KLHL5: variants seen among roughly 807,000 people sequenced by gnomAD.
The protein encoded by KLHL5 is kelch like family member 5.
In KLHL5, 48 loss-of-function variants were observed where a neutral mutation model predicts 77.7. That is an observed-to-expected ratio of 0.62 (90% CI 0.49 to 0.79). The LOEUF (loss-of-function observed/expected upper bound fraction) is 0.79, where lower values mean the gene tolerates loss of function less well. Ranked by LOEUF, KLHL5 falls within the 30% of genes least tolerant of loss-of-function variation. KLHL5 has a pLI of 0.00. For synonymous variants in KLHL5, 260 were observed against 297.0 expected (o/e 0.88, Z 1.28); for missense variants, 723 against 859.7 (o/e 0.84, Z 1.99).
chr4:39,064,087 G>T (rs1560409060), intron 1 of KLHL5, among the ~76,000 whole-genome samples: 1 of 152,052 alleles, frequency 6.6e-6, no homozygotes, highest in African/African-American at 2.4e-5. Flanking sequence ...GTGTCATATG[G>T]ATTGAGACAA....
chr4:39,078,114 C>T (rs73132938), intron 2 of KLHL5, among the ~76,000 whole-genome samples: 36,430 of 151,916 alleles, frequency 0.24, 4,523 homozygotes, highest in South Asian at 0.33. Context: ...TGAGGCCAGG[C>T]GCGATGGCTC....
intron 2 of KLHL5, among the ~76,000 whole-genome samples, chr4:39,079,456 A>G (rs1268405312): frequency 6.6e-6 from 1 of 152,198 alleles, no homozygotes; most frequent in Non-Finnish European, 1.5e-5. Flanking sequence ...AGTTCCTTGC[A>G]TGTGCCAGGC....
chr4:39,086,127 A>G (rs966939449), intron 4 of KLHL5, among the ~76,000 whole-genome samples: 2 of 152,186 alleles, frequency 1.3e-5, no homozygotes, highest in Admixed American at 1.3e-4. Context: ...TTCAGCACCC[A>G]CAAATCCAAA....
intron 5 of KLHL5, among the ~76,000 whole-genome samples, chr4:39,094,255 T>G (rs73238525): frequency 3.3e-5 from 5 of 151,822 alleles, no homozygotes; most frequent in African/African-American, 9.6e-5. Flanking sequence ...GCAAAACATA[T>G]ATGAAATAAA....
chr4:39,077,694 T>TAAAAAAAAAAAAA (rs60744492), intron 2 of KLHL5, among the ~76,000 whole-genome samples: 1 of 128,626 alleles, frequency 7.8e-6, no homozygotes, highest in Non-Finnish European at 1.7e-5. Context: ...GAACTAAAGG[T>TAAAAAAAAAAAAA]AAAAAAAAAA....
rs1560432993 is a variant in KLHL5, at chr4:39,101,858, A to AT, written c.1301-1429_1301-1428insT. ...AACAGTCTGTCTCAAAAAAAAAAAAAAATATATATATATATATATACACAC... is the reference window on the plus strand; with the variant it reads ...AACAGTCTGTCTCAAAAAAAAAAAAATAATATATATATATATATATACACAC... On this transcript the variant is annotated intron_variant, in intron 6 of 10. Coordinates refer to ENST00000504108, the MANE Select transcript of KLHL5 (RefSeq NM_015990.5). Among the ~76,000 whole-genome samples the AT allele has an allele frequency of 5.3e-3, 641 of 120,420 alleles. 6 individuals carry two copies. Among genetic ancestry groups the AT allele is most frequent in the East Asian group, 0.033 (127 of 3,890 alleles). 79.0% of individuals were successfully genotyped at this position (120,420 alleles called of 152,430 possible).
At chr4:39,130,051 A>C (rs1195233078), downstream of KLHL5, among the ~76,000 whole-genome samples, 1 of 152,194 alleles carries the variant, frequency 6.6e-6, no homozygotes, top group Non-Finnish European at 1.5e-5. Flanking sequence ...TGCTGAGACT[A>C]GCTCGGTCGG....
chr4:39,086,904 C>CTTTTTTTTTTTTTTTTTTT (rs71643263), intron 5 of KLHL5, among the ~76,000 whole-genome samples, 177 bp downstream of exon 5: 1 of 78,346 alleles, frequency 1.3e-5, no homozygotes, highest in Non-Finnish European at 2.3e-5. Context: ...AAGTAACATT[C>CTTTTTTTTTTTTTTTTTTT]TTTTTTTTTT....
chr4:39,081,481 A>C lies in KLHL5; in HGVS notation c.703+242A>C, dbSNP rs112675830. Among the ~76,000 whole-genome samples the C allele has an allele frequency of 2.6e-5, 4 of 152,184 alleles. No individual in the cohort carries two copies. The highest frequency in any genetic ancestry group is 5.9e-5 in the Non-Finnish European group (4 of 68,040). Reference sequence around the variant, plus strand: ...TTAATATAAAAATTAAATGAATTACATAGTGTCAAATTTTTGCATTTAAAA... The same window carrying C: ...TTAATATAAAAATTAAATGAATTACCTAGTGTCAAATTTTTGCATTTAAAA... On this transcript the variant is annotated intron_variant, in intron 3 of 10. Transcript: ENST00000504108. The surrounding 1 kb of genome is among the most constrained non-coding windows in gnomAD (Gnocchi z 4.3).
chr4:39,045,149 C>G, intron 1 of KLHL5: 2 of 984,204 alleles, frequency 2.0e-6, no homozygotes, highest in Non-Finnish European at 2.4e-6. Context: ...CGGGCAGGGC[C>G]CGCTTCCCGC....
At chr4:39,046,265 A>G (rs1716181738) in intron 1 of KLHL5, among the ~76,000 whole-genome samples, 1 of 152,174 alleles carries the variant, frequency 6.6e-6, no homozygotes, top group African/African-American at 2.4e-5. Context: ...TCTAGCGACC[A>G]TGTAGTACCA....
downstream of KLHL5, among the ~76,000 whole-genome samples, chr4:39,130,278 G>A (rs34314908): frequency 0.53 from 79,806 of 151,932 alleles, 21,566 homozygotes; most frequent in Non-Finnish European, 0.59. Context: ...GGGATGGGCC[G>A]AATTAAAGGA....
chr4:39,048,210 A>T (rs116310780), intron 1 of KLHL5, among the ~76,000 whole-genome samples: 2 of 152,226 alleles, frequency 1.3e-5, no homozygotes, highest in Non-Finnish European at 2.9e-5. Flanking sequence ...TGGCAAGTAC[A>T]GAGAGTTGAG....
At chr4:39,068,464 T>TGTGTGTGTGA (rs1437812945) in intron 1 of KLHL5, among the ~76,000 whole-genome samples, 1 of 151,606 alleles carries the variant, frequency 6.6e-6, no homozygotes, top group Non-Finnish European at 1.5e-5. Flanking sequence ...TGTGTGTGTG[T>TGTGTGTGTGA]GAAATATTTC....
chr4:39,108,486 GA>G (rs1195596400), intron 8 of KLHL5, among the ~76,000 whole-genome samples: 2 of 151,918 alleles, frequency 1.3e-5, no homozygotes, highest in Non-Finnish European at 2.9e-5. Flanking sequence ...TAAGAAAAAT[GA>G]AAAAAATAGT....
chr4:39,132,236 G>A, the KLHL5 span, among the ~76,000 whole-genome samples: 6 of 152,106 alleles, frequency 3.9e-5, no homozygotes, highest in African/African-American at 7.2e-5. Flanking sequence ...CAGTCTCCCC[G>A]GAAAGCTGCA....
intron 5 of KLHL5, among the ~76,000 whole-genome samples, chr4:39,094,255 T>C (rs73238525): frequency 0.033 from 4,941 of 151,808 alleles, 106 homozygotes; most frequent in Non-Finnish European, 0.056. Context: ...GCAAAACATA[T>C]ATGAAATAAA....
Position 39,096,890 on chromosome 4 carries a change from T to C in KLHL5, c.1300+12T>C, listed in dbSNP as rs536666266. ...GGATTCAACAAAAGGTATCAAATAA[T>C]CTTTTATTTGGGGAGGGAGGACCAG... On this transcript the variant is annotated intron_variant, in intron 6 of 10. Coordinates refer to ENST00000504108, the MANE Select transcript of KLHL5 (RefSeq NM_015990.5). 1.9e-6 allele frequency: 3 copies of C among 1,593,074 alleles called. No homozygotes were observed. Among genetic ancestry groups the C allele is most frequent in the South Asian group, 1.1e-5 (1 of 90,598 alleles).
chr4:39,115,086 T>C, intron 9 of KLHL5, 73 bp from the exon 10 acceptor site: 1 of 1,365,234 alleles, frequency 7.3e-7, no homozygotes, highest in South Asian at 1.3e-5. Context: ...GAAGATAGAC[T>C]TGAAGAACAA....
Sources: gnomAD v4.1 joint callset for allele counts (sites outside exome capture counted in the v4.1 genomes callset) on GRCh38, gnomAD v4.1.1 for gene constraint, Gnocchi (gnomAD v3.1) non-coding constraint, MANE v1.5 for transcripts, NCBI Gene and HGNC (gene_info 2026-07-23, HGNC 2026-07-21) for gene names.